The following EPHA6 variants were observed in gnomAD, a reference collection of about 807,000 sequenced individuals.
The protein encoded by EPHA6 is ephrin type-A receptor 6.
A neutral mutation model predicts 112.0 loss-of-function variants in EPHA6; 50 were observed. The ratio of observed to expected loss-of-function variants is 0.45; its 90% confidence interval spans 0.36 to 0.56. The LOEUF (loss-of-function observed/expected upper bound fraction) is 0.56, where lower values mean the gene tolerates loss of function less well. Among genes scored for constraint, EPHA6 ranks in the 20% least tolerant of loss-of-function variants. The probability of loss-of-function intolerance (pLI) is 0.00; values close to 1 mark genes in which losing one functional copy is unlikely to be tolerated. For synonymous variants in EPHA6, 529 were observed against 490.7 expected (o/e 1.08, Z -1.03); for missense variants, 1,280 against 1,417.4 (o/e 0.90, Z 1.56).
intron 14 of EPHA6, among the ~76,000 whole-genome samples, chr3:97,671,956 C>G (rs1388735287): frequency 6.6e-6 from 1 of 152,204 alleles, no homozygotes. Flanking sequence ...ACACCTTTGA[C>G]TGCCCCACTG....
At chr3:97,644,902 A>G (rs1273413675) in intron 14 of EPHA6, among the ~76,000 whole-genome samples, 1 of 152,176 alleles carries the variant, frequency 6.6e-6, no homozygotes, top group African/African-American at 2.4e-5. Context: ...TATTCCAATC[A>G]GTAAAAAAGA....
chr3:97,015,393 A>G (rs1156246459), intron 3 of EPHA6, among the ~76,000 whole-genome samples: 1 of 152,142 alleles, frequency 6.6e-6, no homozygotes, highest in Non-Finnish European at 1.5e-5. Context: ...TCTTTTCCAG[A>G]AAGATCCAGG....
At chr3:97,099,039 A>C (rs1411038602) in intron 3 of EPHA6, among the ~76,000 whole-genome samples, 1 of 151,992 alleles carries the variant, frequency 6.6e-6, no homozygotes, top group Non-Finnish European at 1.5e-5. Flanking sequence ...TAAAAACTTT[A>C]AAAATATATT....
chr3:97,073,782 T>A (rs910431879), intron 3 of EPHA6, among the ~76,000 whole-genome samples: 2 of 152,044 alleles, frequency 1.3e-5, no homozygotes, highest in African/African-American at 4.8e-5. Context: ...TTATTTCTAT[T>A]TATAGCGCAT....
chr3:96,947,127 G>T (rs1280324629), intron 2 of EPHA6, among the ~76,000 whole-genome samples: 2 of 151,794 alleles, frequency 1.3e-5, no homozygotes, highest in Non-Finnish European at 2.9e-5. Context: ...CCATTCTGTG[G>T]GTTGCCTGTT....
chr3:97,170,573 C>T (rs951789556), intron 3 of EPHA6, among the ~76,000 whole-genome samples: 1 of 151,960 alleles, frequency 6.6e-6, no homozygotes, highest in Non-Finnish European at 1.5e-5. Flanking sequence ...CTCATCTCTA[C>T]TAAAAATATA....
At chr3:97,319,701 A>C (rs1434143309) in intron 5 of EPHA6, among the ~76,000 whole-genome samples, 3 of 150,878 alleles carry the variant, frequency 2.0e-5, no homozygotes, top group African/African-American at 7.3e-5. Context: ...AAAAAAAACA[A>C]CACCAAAAAA....
At position 96,984,656 on chromosome 3, in the gene EPHA6, G is replaced by A. The variant is rs181473635; in HGVS notation, c.451-2674G>A. Reference sequence around the variant, plus strand: ...TCTATGCCCTGCCCCCAGAGGTGGCGTCTACAGAGGCAGGCAGGCCTCCTT... The same window carrying A: ...TCTATGCCCTGCCCCCAGAGGTGGCATCTACAGAGGCAGGCAGGCCTCCTT... On this transcript the variant is annotated intron_variant, in intron 2 of 17. Coordinates refer to ENST00000389672, the MANE Select transcript of EPHA6 (RefSeq NM_001080448.3). Among the ~76,000 whole-genome samples, 140 of 152,262 alleles carry A rather than the reference G, an allele frequency of 9.2e-4. 1 individual carries two copies. The highest frequency in any genetic ancestry group is 1.6e-3 in the East Asian group (8 of 5,152).
At chr3:97,346,230 G>A (rs983110809) in intron 5 of EPHA6, among the ~76,000 whole-genome samples, 2 of 151,948 alleles carry the variant, frequency 1.3e-5, no homozygotes. Context: ...TTTTTGAAAT[G>A]CACAATTTTT....
chr3:97,039,958 C>T (rs1438545472), intron 3 of EPHA6, among the ~76,000 whole-genome samples: 2 of 152,002 alleles, frequency 1.3e-5, no homozygotes, highest in Non-Finnish European at 2.9e-5. Context: ...AGAAAAATAA[C>T]TGAACAACTT....
At chr3:97,571,131 A>G (rs2093328765) in intron 11 of EPHA6, among the ~76,000 whole-genome samples, 1 of 152,218 alleles carries the variant, frequency 6.6e-6, no homozygotes, top group African/African-American at 2.4e-5. Flanking sequence ...GCATATAAAC[A>G]TATCACCTAT....
intron 3 of EPHA6, among the ~76,000 whole-genome samples, chr3:97,019,823 A>G (rs1009183040): frequency 6.6e-6 from 1 of 152,076 alleles, no homozygotes; most frequent in African/African-American, 2.4e-5. Context: ...CATAATTATT[A>G]TATTTTTGCT....
chr3:96,875,117 G>A (rs760587516), intron 2 of EPHA6, among the ~76,000 whole-genome samples: 4 of 151,938 alleles, frequency 2.6e-5, no homozygotes, highest in Admixed American at 6.6e-5. Context: ...AATACAGATT[G>A]TACTTATAAT....
chr3:97,648,289 C>T (rs2094081984), intron 14 of EPHA6: 1 of 1,102,138 alleles, frequency 9.1e-7, no homozygotes, highest in Non-Finnish European at 1.4e-6. Context: ...TTCATAGGAC[C>T]TCTTCCAAAC....
chr3:97,541,112 A>G (rs564605136), intron 11 of EPHA6, among the ~76,000 whole-genome samples: 1 of 151,902 alleles, frequency 6.6e-6, no homozygotes, highest in Non-Finnish European at 1.5e-5. Context: ...CCCCCTTTTA[A>G]TGCAATTTCT....
chr3:97,121,640 G>T (rs563697533), intron 3 of EPHA6, among the ~76,000 whole-genome samples: 61 of 152,192 alleles, frequency 4.0e-4, no homozygotes, highest in African/African-American at 1.5e-3. Flanking sequence ...AGACACTCAT[G>T]GAGCACTGTA....
intron 3 of EPHA6, among the ~76,000 whole-genome samples, chr3:97,028,120 T>C (rs1644532959): frequency 1.3e-5 from 2 of 152,142 alleles, no homozygotes; most frequent in South Asian, 4.1e-4. Flanking sequence ...TTAACAATAC[T>C]TGACTGGACC....
intron 2 of EPHA6, among the ~76,000 whole-genome samples, chr3:96,943,649 T>C (rs1243294656): frequency 2.0e-5 from 3 of 152,206 alleles, no homozygotes; most frequent in African/African-American, 7.2e-5. Context: ...TATTCAAACA[T>C]AAAGTAAATA....
chr3:96,980,943 AT>A (rs2042742685), intron 2 of EPHA6, among the ~76,000 whole-genome samples: 1 of 152,082 alleles, frequency 6.6e-6, no homozygotes, highest in Non-Finnish European at 1.5e-5. Flanking sequence ...GCTTAAGGAG[AT>A]TTTGGGCTGA....
Sources: allele counts gnomAD v4.1 joint callset (sites outside exome capture counted in the v4.1 genomes callset), GRCh38; gene constraint gnomAD v4.1.1; transcripts MANE v1.5; gene names NCBI Gene and HGNC (gene_info 2026-07-23, HGNC 2026-07-21).